TRPA1: variants seen among roughly 807,000 people sequenced by gnomAD.
TRPA1 encodes ankyrin-like with transmembrane domains 1.
TRPA1 carries 129 observed loss-of-function variants against 131.3 expected under a neutral mutation model. That is an observed-to-expected ratio of 0.98 (90% CI 0.85 to 1.14). The LOEUF is 1.14. TRPA1 is among the 50% of genes most tolerant of loss of function. The pLI, the probability that TRPA1 is intolerant of heterozygous loss-of-function variation, is 0.00. For synonymous variants in TRPA1, 441 were observed against 451.7 expected (o/e 0.98, Z 0.30); for missense variants, 1,304 against 1,354.2 (o/e 0.96, Z 0.58).
intron 2 of TRPA1, among the ~76,000 whole-genome samples, chr8:72,071,320 G>A (rs968533365): frequency 7.2e-5 from 11 of 152,048 alleles, no homozygotes; most frequent in African/African-American, 2.4e-4. Flanking sequence ...GTACAAGGCT[G>A]GCATCTGGAA....
At position 72,022,445 on chromosome 8, in the gene TRPA1, C is replaced by T. The variant is rs1811426300; in HGVS notation, c.*461G>A. ...CAACATGAAGCTTTCCAGGAAGCAG[C>T]TTAGGTTAGGTAGACCTCAACCTAA... On this transcript the variant is annotated 3_prime_UTR_variant, in exon 27 of 27. Coordinates refer to ENST00000262209, the MANE Select transcript of TRPA1 (RefSeq NM_007332.3). 3.6e-6 allele frequency: 1 copy of T among 275,186 alleles called. No individual in the cohort carries two copies. Among genetic ancestry groups the T allele is most frequent in the Non-Finnish European group, 7.0e-6 (1 of 142,996 alleles). 17.0% of individuals were successfully genotyped at this position (275,186 alleles called of 1,614,324 possible).
At position 72,061,743 on chromosome 8, in the gene TRPA1, T is replaced by C; in HGVS notation, c.826A>G (p.Ile276Val). The C allele has an allele frequency of 1.2e-6, 2 of 1,614,020 alleles. No individual in the cohort carries two copies. Among genetic ancestry groups the C allele is most frequent in the Non-Finnish European group, 1.7e-6 (2 of 1,179,936 alleles). ...GCTCCCTGGGTGGCAGCAAAATGAA[T>C]GGCTGTGCACCTTCCCTTCTGTAAA... ...DPVEKGRCTA[I>V]HFAATQGATE... The change falls in exon 7 of 27, where the codon ATT becomes GTT. Residue 276 changes from isoleucine to valine, a missense_variant. Transcript: ENST00000262209.
At position 72,057,120 on chromosome 8, in the gene TRPA1, T is replaced by C. The variant is rs989090690; in HGVS notation, c.1094-103A>G. 4 of 877,170 alleles carry C rather than the reference T, an allele frequency of 4.6e-6. No individual in the cohort carries two copies. In the South Asian group the frequency reaches 6.5e-5, roughly 14 times the overall value. 54.3% of individuals were successfully genotyped at this position (877,170 alleles called of 1,614,324 possible). A position where few individuals can be genotyped will look rare whatever the true frequency, so the allele number is the denominator to read the frequency against. On this transcript the variant is annotated intron_variant, in intron 9 of 26. Transcript: ENST00000262209. ...AAAAAAAATTTGACTAAAAATATTGTCGACCTTTAGTTTACAGGAAATTGT... is the reference window on the plus strand; with the variant it reads ...AAAAAAAATTTGACTAAAAATATTGCCGACCTTTAGTTTACAGGAAATTGT...
At chr8:72,035,076 C>T (rs932033281) in intron 21 of TRPA1, among the ~76,000 whole-genome samples, 5 of 152,188 alleles carry the variant, frequency 3.3e-5, no homozygotes, top group African/African-American at 4.8e-5. Flanking sequence ...CCATCTCCTT[C>T]GGTTTTCTTT....
chr8:72,075,678 C>T, upstream of TRPA1: 1 of 499,374 alleles, frequency 2.0e-6, no homozygotes, highest in South Asian at 2.0e-5. Flanking sequence ...GCAAAGAGGG[C>T]GGCGGCGCCG....
chr8:72,089,676 C>G, the TRPA1 span, among the ~76,000 whole-genome samples: 1 of 151,958 alleles, frequency 6.6e-6, no homozygotes, highest in Non-Finnish European at 1.5e-5. Context: ...ACAACCACAG[C>G]TCAAAAAATT....
At chr8:72,072,454 T>C (rs1054533274) in intron 1 of TRPA1, among the ~76,000 whole-genome samples, 10 of 152,208 alleles carry the variant, frequency 6.6e-5, no homozygotes, top group Non-Finnish European at 1.5e-4. Context: ...TATTACAGAA[T>C]AGTACCTAAC....
intron 6 of TRPA1, 141 bp from the exon 7 acceptor site, chr8:72,061,902 T>A (rs1805819026): frequency 3.3e-6 from 3 of 914,378 alleles, no homozygotes. Context: ...TCATCTGAAA[T>A]GTGATAGATA....
chr8:72,085,839 G>T, the TRPA1 span, among the ~76,000 whole-genome samples: 1 of 151,918 alleles, frequency 6.6e-6, no homozygotes, highest in East Asian at 1.9e-4. Context: ...CCTCTTCCTG[G>T]TTAGGTTCAC....
chr8:72,023,157 T>C (rs776052859), intron 26 of TRPA1, 41 bp from the exon 27 acceptor site: 76 of 1,577,742 alleles, frequency 4.8e-5, no homozygotes, highest in Non-Finnish European at 6.1e-5. Flanking sequence ...TTTTCAGTTC[T>C]TCTTTTAGCC....
chr8:72,066,917 T>C (rs1805944484), intron 3 of TRPA1, among the ~76,000 whole-genome samples: 1 of 152,154 alleles, frequency 6.6e-6, no homozygotes, highest in South Asian at 2.1e-4. Flanking sequence ...CACAGGTCCC[T>C]TGGTTGAGAA....
At chr8:72,023,761 AT>A (rs771300711) in intron 26 of TRPA1, 52 bp downstream of exon 26, 8 of 1,030,674 alleles carry the variant, frequency 7.8e-6, no homozygotes, top group African/African-American at 1.6e-5. Context: ...ATTGTGCATT[AT>A]TATTTATGAG....
At chr8:72,025,858 G>GA in intron 25 of TRPA1, 102 bp downstream of exon 25, 1 of 960,012 alleles carries the variant, frequency 1.0e-6, no homozygotes, top group South Asian at 1.4e-5. Context: ...CACAGGCAGA[G>GA]AAGACTCAAA....
At chr8:72,061,861 A>C in intron 6 of TRPA1, 100 bp from the exon 7 acceptor site, 2 of 1,260,486 alleles carry the variant, frequency 1.6e-6, no homozygotes, top group East Asian at 2.5e-5. Context: ...TCATAAAATC[A>C]AGGAATATCT....
At chr8:72,033,339 G>A (rs575081034) in intron 23 of TRPA1, among the ~76,000 whole-genome samples, 4 of 152,164 alleles carry the variant, frequency 2.6e-5, no homozygotes, top group African/African-American at 9.7e-5. Flanking sequence ...ATTCCTGACT[G>A]TTTGTAATCA....
chr8:72,062,720 C>G, intron 6 of TRPA1, 79 bp downstream of exon 6: 1 of 1,375,956 alleles, frequency 7.3e-7, no homozygotes, highest in African/African-American at 1.4e-5. Flanking sequence ...TCTAAATTAA[C>G]TGTAAAAGAG....
rs200474831 is a variant in TRPA1 at position 72,039,806 on chromosome 8, T to TA, written c.2062-10dup. On this transcript the variant is annotated splice_polypyrimidine_tract_variant and intron_variant, in intron 17 of 26. Coordinates refer to ENST00000262209, the MANE Select transcript of TRPA1 (RefSeq NM_007332.3). ...TTATTTTGTACCATTGCCTGAGAAA[T>TA]AAAAAAAAGTGTAATAAAAACACAA... 1.2e-3 allele frequency: 1,962 copies of TA among 1,582,748 alleles called. 27 individuals carry two copies. The African/African-American group carries it at 0.02, about 16-fold the overall frequency.
In TRPA1 at chr8:72,046,898, G is replaced by A. The variant is rs539340715; in HGVS notation, c.1965+250C>T. 2.6e-5 allele frequency among the ~76,000 whole-genome samples: 4 copies of A among 151,854 alleles called. No homozygotes were observed. The South Asian group carries it at 8.3e-4, about 32-fold the overall frequency. On this transcript the variant is annotated intron_variant, in intron 16 of 26. Coordinates refer to ENST00000262209, the MANE Select transcript of TRPA1 (RefSeq NM_007332.3). ...GATCTTTTAGATCTTCATTATTAAG[G>A]CACAACTACTTAAGAAAACATAAAG...
At chr8:72,056,048 T>G in intron 10 of TRPA1, 193 bp from the exon 11 acceptor site, 3 of 628,194 alleles carry the variant, frequency 4.8e-6, no homozygotes, top group East Asian at 2.8e-5. Flanking sequence ...CTTCATTTAG[T>G]GTACATTACC....
Sources: allele counts gnomAD v4.1 joint callset (sites outside exome capture counted in the v4.1 genomes callset), GRCh38; gene constraint gnomAD v4.1.1; transcripts MANE v1.5; gene names NCBI Gene and HGNC (gene_info 2026-07-23, HGNC 2026-07-21).